ZNF277: variants seen among roughly 807,000 people sequenced by gnomAD.
The protein encoded by ZNF277 is nuclear receptor-interacting factor 4.
A neutral mutation model predicts 60.7 loss-of-function variants in ZNF277; 55 were observed. The observed-to-expected ratio is 0.91, with a 90% CI of 0.73 to 1.13. The LOEUF is 1.13. Ranked by LOEUF, ZNF277 falls within the 50% of genes most tolerant of loss-of-function variation. The pLI is 0.00. For missense variants in ZNF277, 510 were observed against 523.0 expected (o/e 0.98, Z 0.24); for synonymous variants, 178 against 179.3 (o/e 0.99, Z 0.06).
intron 1 of ZNF277, among the ~76,000 whole-genome samples, chr7:112,230,497 A>G (rs903781082): frequency 3.3e-5 from 5 of 152,316 alleles, no homozygotes; most frequent in African/African-American, 1.2e-4. Flanking sequence ...TCGACCAGAG[A>G]ACAGAGATAA....
chr7:112,217,493 A>G (rs758205803), intron 1 of ZNF277, among the ~76,000 whole-genome samples: 2 of 152,252 alleles, frequency 1.3e-5, no homozygotes, highest in Non-Finnish European at 2.9e-5. Flanking sequence ...TGCAAAAATT[A>G]TAGCAGAAAA....
At chr7:112,217,528 C>G (rs1821917284) in intron 1 of ZNF277, among the ~76,000 whole-genome samples, 1 of 152,190 alleles carries the variant, frequency 6.6e-6, no homozygotes, top group South Asian at 2.1e-4. Flanking sequence ...GACGTCTGAC[C>G]TAACCGACTC....
chr7:112,326,957 A>G (rs1793109282), intron 5 of ZNF277, among the ~76,000 whole-genome samples: 1 of 152,174 alleles, frequency 6.6e-6, no homozygotes, highest in African/African-American at 2.4e-5. Flanking sequence ...CCTTTTCTGT[A>G]TAAATTAATC....
chr7:112,343,523 CTG>C lies in ZNF277; in HGVS notation c.*795_*796del, dbSNP rs772617299. ...GTTTACAATATTATCAGTTTCATTA[CTG>C]ATGAATATTATATGCCTCCTGATAA... is the stretch of plus-strand genomic sequence containing the variant. On this transcript the variant is annotated 3_prime_UTR_variant, in exon 12 of 12. Coordinates refer to ENST00000361822, the MANE Select transcript of ZNF277 (RefSeq NM_021994.3). Among the ~76,000 whole-genome samples the C allele has an allele frequency of 3.9e-5, 6 of 152,130 alleles. No homozygotes were observed. Among genetic ancestry groups the C allele is most frequent in the Non-Finnish European group, 8.8e-5 (6 of 68,042 alleles).
chr7:112,277,961 G>C (rs1313196424), intron 1 of ZNF277, among the ~76,000 whole-genome samples: 1 of 152,108 alleles, frequency 6.6e-6, no homozygotes, highest in Admixed American at 6.6e-5. Context: ...AGGATCATTT[G>C]TTTTTTATCT....
At chr7:112,318,072 A>AT (rs1792881653) in intron 4 of ZNF277, 110 bp from the exon 5 acceptor site, 1 of 800,370 alleles carries the variant, frequency 1.2e-6, no homozygotes, top group South Asian at 1.7e-5. Flanking sequence ...GGCAACTTTT[A>AT]TATACTCCCT....
At position 112,286,841 on chromosome 7, in the gene ZNF277, CTTTTTTTTTT is replaced by C. The variant is rs10710470; in HGVS notation, c.92-22_92-13del. The C allele has an allele frequency of 2.3e-5, 22 of 952,438 alleles. 1 individual carries two copies. In the African/African-American group the frequency reaches 4.5e-4, roughly 19 times the overall value. The allele number at this position is 952,438 out of a possible 1,614,324, so 59.0% of individuals were successfully genotyped here. ...AGTTGGTTTCAGCTTTTCTTTCTTT[CTTTTTTTTTT>C]TTTTTTTTTGGTCTATTCCAGACAG... On this transcript the variant is annotated intron_variant, in intron 1 of 11. Transcript: ENST00000361822.
At chr7:112,226,044 C>T (rs1822166512) in intron 1 of ZNF277, among the ~76,000 whole-genome samples, 1 of 152,128 alleles carries the variant, frequency 6.6e-6, no homozygotes, top group South Asian at 2.1e-4. Flanking sequence ...ACTTTTTTCT[C>T]AAATAGCATC....
intron 5 of ZNF277, among the ~76,000 whole-genome samples, chr7:112,322,091 C>G (rs1057243029): frequency 3.3e-5 from 5 of 152,060 alleles, no homozygotes; most frequent in African/African-American, 1.2e-4. Flanking sequence ...CCTGCCCCAC[C>G]AGGATTTGTG....
chr7:112,217,961 G>A (rs1286108533), intron 1 of ZNF277, among the ~76,000 whole-genome samples: 4 of 151,954 alleles, frequency 2.6e-5, no homozygotes, highest in Non-Finnish European at 4.4e-5. Flanking sequence ...GACTCCCTAC[G>A]ATTTCATCTC....
intron 4 of ZNF277, among the ~76,000 whole-genome samples, chr7:112,299,470 A>G (rs1280652832): frequency 6.6e-6 from 1 of 152,190 alleles, no homozygotes; most frequent in Non-Finnish European, 1.5e-5. Context: ...CTCATCATGC[A>G]TTGGAACTCG....
Position 112,257,350 on chromosome 7 carries a change from TA to T in ZNF277, c.92-29518del, listed in dbSNP as rs1199327986. 4.6e-5 allele frequency among the ~76,000 whole-genome samples: 7 copies of T among 151,604 alleles called. No homozygotes were observed. The South Asian group carries it at 1.2e-3, about 27-fold the overall frequency. ...ACAGGCTTCCTGCCTTCATCAAACTTAAAAACTGGCAGGAAAAATAGACTTT... is the reference window on the plus strand; with the variant it reads ...ACAGGCTTCCTGCCTTCATCAAACTTAAAACTGGCAGGAAAAATAGACTTT... On this transcript the variant is annotated intron_variant, in intron 1 of 11. Coordinates refer to ENST00000361822, the MANE Select transcript of ZNF277 (RefSeq NM_021994.3).
At chr7:112,286,537 A>T (rs538658275) in intron 1 of ZNF277, among the ~76,000 whole-genome samples, 1 of 152,272 alleles carries the variant, frequency 6.6e-6, no homozygotes, top group African/African-American at 2.4e-5. Flanking sequence ...AGAGTGTTGC[A>T]GCCTTCCCCC....
intron 1 of ZNF277, among the ~76,000 whole-genome samples, chr7:112,212,097 A>T (rs1395412935): frequency 6.6e-6 from 1 of 152,256 alleles, no homozygotes; most frequent in Non-Finnish European, 1.5e-5. Flanking sequence ...CAAGGTGATC[A>T]TAGTTAGCAT....
intron 6 of ZNF277, 30 bp from the exon 7 acceptor site, chr7:112,330,054 T>TG (rs1366908510): frequency 6.3e-7 from 1 of 1,591,706 alleles, no homozygotes; most frequent in Admixed American, 1.8e-5. Flanking sequence ...ACAAGAGACT[T>TG]GTTTATCAGT....
chr7:112,284,622 A>G (rs1792019420), intron 1 of ZNF277, among the ~76,000 whole-genome samples: 1 of 152,132 alleles, frequency 6.6e-6, no homozygotes, highest in African/African-American at 2.4e-5. Context: ...CAGTTTTGTT[A>G]ATAGTGCTTC....
chr7:112,257,834 G>T (rs1791354933), intron 1 of ZNF277, among the ~76,000 whole-genome samples: 1 of 151,786 alleles, frequency 6.6e-6, no homozygotes, highest in Non-Finnish European at 1.5e-5. Context: ...TTTTTTTAGA[G>T]TCAGGGTCTT....
chr7:112,285,034 C>CT (rs1172510873), intron 1 of ZNF277, among the ~76,000 whole-genome samples: 2 of 151,808 alleles, frequency 1.3e-5, no homozygotes, highest in Admixed American at 6.6e-5. Context: ...TATATAATTT[C>CT]TTTTTTTTCT....
intron 1 of ZNF277, among the ~76,000 whole-genome samples, chr7:112,239,693 AG>A (rs1442678184): frequency 6.6e-6 from 1 of 152,254 alleles, no homozygotes; most frequent in Non-Finnish European, 1.5e-5. Flanking sequence ...TCAGTCTGAA[AG>A]AAAAGGATGT....
Sources: allele counts gnomAD v4.1 joint callset (sites outside exome capture counted in the v4.1 genomes callset), GRCh38; gene constraint gnomAD v4.1.1; transcripts MANE v1.5; gene names NCBI Gene and HGNC (gene_info 2026-07-23, HGNC 2026-07-21).